PHC3: variants seen among roughly 807,000 people sequenced by gnomAD.
PHC3 encodes polyhomeotic homolog 3.
A neutral mutation model predicts 107.4 loss-of-function variants in PHC3; 13 were observed. The observed-to-expected ratio is 0.12, with a 90% CI of 0.08 to 0.19. The LOEUF (loss-of-function observed/expected upper bound fraction) is 0.19. PHC3 is among the 10% of genes least tolerant of loss of function. PHC3 has a pLI of 1.00. For missense variants in PHC3, 992 were observed against 1,210.9 expected, an observed-to-expected ratio of 0.82 and a Z score of 2.68; for synonymous variants, 456 against 427.4, an observed-to-expected ratio of 1.07 and a Z score of -0.83.
chr3:170,123,257 A>G (rs1291982807), intron 8 of PHC3, among the ~76,000 whole-genome samples: 2 of 152,096 alleles, frequency 1.3e-5, no homozygotes, highest in African/African-American at 4.8e-5. Flanking sequence ...TCTACAAAAA[A>G]AGATACGCAA....
chr3:170,148,753 C>G (rs1725422059), intron 5 of PHC3: 1 of 169,060 alleles, frequency 5.9e-6, no homozygotes, highest in South Asian at 1.7e-4. Context: ...AAGATGCCAT[C>G]AGTTATAAAA....
chr3:170,122,526 C>A (rs1720547365), intron 9 of PHC3, 65 bp downstream of exon 9: 3 of 1,544,498 alleles, frequency 1.9e-6, no homozygotes, highest in East Asian at 2.3e-5. Flanking sequence ...GGAAAAAAAT[C>A]AACTTTTCCT....
intron 2 of PHC3, among the ~76,000 whole-genome samples, chr3:170,178,401 G>T (rs999640506): frequency 6.6e-6 from 1 of 152,144 alleles, no homozygotes; most frequent in African/African-American, 2.4e-5. Flanking sequence ...AAAGTGCTGG[G>T]ATTACAGGCG....
chr3:170,115,200 CCAA>C (rs1385813742), intron 10 of PHC3, among the ~76,000 whole-genome samples: 1 of 151,762 alleles, frequency 6.6e-6, no homozygotes, highest in East Asian at 1.9e-4. Flanking sequence ...AACCTAATGT[CCAA>C]CAATAATGGA....
At position 170,097,088 on chromosome 3, in the gene PHC3, TGTCA is replaced by T. The variant is rs1714721891; in HGVS notation, c.*138_*141del. On this transcript the variant is annotated 3_prime_UTR_variant, in exon 15 of 15. Coordinates refer to ENST00000495893, the MANE Select transcript of PHC3 (RefSeq NM_024947.4). This position sits in a 1 kb window ranked among gnomAD's most constrained non-coding sequence, Gnocchi z 4.1. The stretch of plus-strand genomic sequence containing the variant: ...TGAATTATTATACCTGTAGAAGAAA[TGTCA>T]GTATTTGATGTGGAGATCCCAATGT... The T allele has an allele frequency of 3.2e-6, 2 of 625,548 alleles. No homozygotes were observed. Among genetic ancestry groups the T allele is most frequent in the East Asian group, 5.4e-5 (2 of 36,910 alleles). 38.7% of individuals were successfully genotyped at this position (625,548 alleles called of 1,614,324 possible).
At chr3:170,145,398 A>T in intron 6 of PHC3, 25 bp downstream of exon 6, 2 of 1,584,196 alleles carry the variant, frequency 1.3e-6, no homozygotes, top group Non-Finnish European at 1.7e-6. Flanking sequence ...CTCAAGTAAC[A>T]CATTATGAAG....
At chr3:170,099,539 G>C (rs945737323) in intron 14 of PHC3, among the ~76,000 whole-genome samples, 1 of 152,108 alleles carries the variant, frequency 6.6e-6, no homozygotes, top group African/African-American at 2.4e-5. Flanking sequence ...TGGATCCCGG[G>C]GATGTGTACA....
intron 8 of PHC3, among the ~76,000 whole-genome samples, chr3:170,123,779 T>A (rs934731802): frequency 2.7e-5 from 4 of 150,646 alleles, no homozygotes; most frequent in Non-Finnish European, 5.9e-5. Context: ...GGTAACAGAG[T>A]GAGACTCCAT....
At chr3:170,174,209 TAAAATA>T (rs1488478154) in intron 2 of PHC3, among the ~76,000 whole-genome samples, 1 of 151,586 alleles carries the variant, frequency 6.6e-6, no homozygotes, top group Non-Finnish European at 1.5e-5. Flanking sequence ...ATAATAATAA[TAAAATA>T]AAAATAAAAA....
chr3:170,117,092 A>C lies in PHC3; in HGVS notation c.2193+134T>G, dbSNP rs1719157252. ...ATTTGGAAATAAAGGAAGTAGAAAG[A>C]TAAATGCTAGATTAAAATGGACAAC... On this transcript the variant is annotated intron_variant, in intron 10 of 14. Coordinates refer to ENST00000495893, the MANE Select transcript of PHC3 (RefSeq NM_024947.4). 4.4e-6 allele frequency: 5 copies of C among 1,124,038 alleles called. No homozygotes were observed. In the East Asian group the frequency reaches 1.0e-4, roughly 23 times the overall value. The allele number at this position is 1,124,038 out of a possible 1,614,324, so 69.6% of individuals were successfully genotyped here.
intron 5 of PHC3, 107 bp downstream of exon 5, chr3:170,148,975 CAATT>C (rs1015327520): frequency 2.8e-5 from 32 of 1,141,298 alleles, no homozygotes; most frequent in Middle Eastern, 5.9e-4. Flanking sequence ...CACACACACA[CAATT>C]AAACATTTCT....
chr3:170,171,214 C>T (rs1729530139), intron 4 of PHC3, 159 bp downstream of exon 4: 8 of 600,842 alleles, frequency 1.3e-5, no homozygotes, highest in Middle Eastern at 3.9e-4. Context: ...AACATTAGTT[C>T]TGAATTCTTG....
chr3:170,171,896 A>G (rs961835376), intron 3 of PHC3, among the ~76,000 whole-genome samples: 10 of 152,240 alleles, frequency 6.6e-5, no homozygotes, highest in African/African-American at 2.2e-4. Context: ...GGTTCAGTCA[A>G]TTGAGATCCT....
chr3:170,104,493 A>C (rs182943091), intron 12 of PHC3, among the ~76,000 whole-genome samples: 6 of 152,172 alleles, frequency 3.9e-5, no homozygotes, highest in Admixed American at 2.0e-4. Context: ...GGTGGGTCTC[A>C]AATTCCTGGG....
chr3:170,119,036 T>TAAAAAAAAAAAAAAAAAAAAA (rs1002478959), intron 9 of PHC3, among the ~76,000 whole-genome samples: 9 of 72,652 alleles, frequency 1.2e-4, no homozygotes, highest in Non-Finnish European at 2.0e-4. Context: ...TATAAAAAGC[T>TAAAAAAAAAAAAAAAAAAAAA]AAAAAAAAAA....
intron 7 of PHC3, among the ~76,000 whole-genome samples, chr3:170,132,339 T>G (rs1431752902): frequency 2.0e-5 from 3 of 152,192 alleles, no homozygotes; most frequent in Non-Finnish European, 4.4e-5. Context: ...CATCTGGCTA[T>G]TAAGGACAGC....
At chr3:170,128,440 A>G (rs2108458266) in intron 8 of PHC3, 2 of 1,276,198 alleles carry the variant, frequency 1.6e-6, no homozygotes, top group Admixed American at 6.0e-5. Flanking sequence ...TTGTTTAAAT[A>G]GTAATAAAAT....
At chr3:170,156,389 T>C (rs759097418) in intron 4 of PHC3, among the ~76,000 whole-genome samples, 6 of 151,910 alleles carry the variant, frequency 3.9e-5, no homozygotes, top group Non-Finnish European at 7.4e-5. Context: ...CCTGAGTATC[T>C]GCGACCACAA....
intron 6 of PHC3, among the ~76,000 whole-genome samples, chr3:170,138,519 G>A (rs778099067): frequency 9.2e-5 from 14 of 151,714 alleles, no homozygotes; most frequent in African/African-American, 2.9e-4. Flanking sequence ...GTGAAACACC[G>A]TCTCTACTAA....
Sources: gnomAD v4.1 joint callset for allele counts (sites outside exome capture counted in the v4.1 genomes callset) on GRCh38, gnomAD v4.1.1 for gene constraint, Gnocchi (gnomAD v3.1) non-coding constraint, MANE v1.5 for transcripts, NCBI Gene and HGNC (gene_info 2026-07-23, HGNC 2026-07-21) for gene names.